The following SLC1A6 variants were observed in gnomAD, a reference collection of about 807,000 sequenced individuals.
The protein encoded by SLC1A6 is solute carrier family 1 member 6, also known as excitatory amino acid transporter 4.
Under a neutral mutation model 42.1 loss-of-function variants are expected in SLC1A6, and 15 were observed. The observed-to-expected ratio is 0.36, with a 90% CI of 0.24 to 0.55. SLC1A6 has a LOEUF of 0.55. SLC1A6 is among the 20% of genes least tolerant of loss of function. The pLI, the probability that SLC1A6 is intolerant of heterozygous loss-of-function variation, is 0.88. For synonymous variants in SLC1A6, 317 were observed against 319.7 expected (o/e 0.99, Z 0.09); for missense variants, 542 against 772.5 (o/e 0.70, Z 3.54).
intron 7 of SLC1A6, among the ~76,000 whole-genome samples, chr19:14,954,620 AT>A: frequency 6.6e-6 from 1 of 151,714 alleles, no homozygotes; most frequent in Non-Finnish European, 1.5e-5. Flanking sequence ...AGAGCAGGGC[AT>A]GGGCTGGGCG....
intron 1 of SLC1A6, among the ~76,000 whole-genome samples, chr19:14,999,772 C>T (rs1459625454): frequency 1.3e-5 from 2 of 152,144 alleles, no homozygotes; most frequent in African/African-American, 4.8e-5. Flanking sequence ...CACAATCATT[C>T]TTGTTTTCAC....
intron 6 of SLC1A6, 63 bp from the exon 7 acceptor site, chr19:14,956,772 T>C: frequency 8.6e-7 from 1 of 1,159,602 alleles, no homozygotes; most frequent in Non-Finnish European, 1.3e-6. Flanking sequence ...GGTCTGAAGG[T>C]GGCATCCCCA....
At position 14,950,062 on chromosome 19, in the gene SLC1A6, T is replaced by A; in HGVS notation, c.*133A>T. 5 of 560,964 alleles carry A rather than the reference T, an allele frequency of 8.9e-6. No homozygotes were observed. The South Asian group carries it at 1.7e-4, about 19-fold the overall frequency. The allele number at this position is 560,964 out of a possible 1,614,324, so 34.7% of individuals were successfully genotyped here. ...TTTCATTCCTGCTCCTTTATTTCACTTTTCCCTCCCCCCTAAATGAGTCAA... is the reference window on the plus strand; with the variant it reads ...TTTCATTCCTGCTCCTTTATTTCACATTTCCCTCCCCCCTAAATGAGTCAA... On this transcript the variant is annotated 3_prime_UTR_variant, in exon 10 of 10. Coordinates refer to ENST00000594383, the MANE Select transcript of SLC1A6 (RefSeq NM_005071.3).
Position 14,956,518 on chromosome 19 carries a change from C to G in SLC1A6, c.1127G>C (p.Gly376Ala), listed in dbSNP as rs778521708. The change falls in exon 7 of 10, where the codon GGC (glycine) becomes GCC (alanine). Residue 376 changes from glycine (G) to alanine (A), a missense_variant. Transcript: ENST00000594383. The part of the protein sequence containing the change: ...THRNPFPFIG[G>A]MLQALITAMG... ...AGCGGTGATGAGGGCTTGTAGCATG[C>G]CCCCAATGAAGGGGAAGGGGTTCCG... 2 of 1,606,998 alleles carry G rather than the reference C, an allele frequency of 1.2e-6. No individual in the cohort carries two copies. Among genetic ancestry groups the G allele is most frequent in the Non-Finnish European group, 1.7e-6 (2 of 1,176,250 alleles).
upstream of SLC1A6, chr19:14,979,912 C>T (rs1326732395): frequency 6.6e-6 from 1 of 152,296 alleles, no homozygotes; most frequent in Non-Finnish European, 1.5e-5. The surrounding 1 kb of genome is among the most constrained non-coding windows in gnomAD (Gnocchi z 4.2). Context: ...GCCCCCGCCC[C>T]CTGCTCGGAG....
intron 4 of SLC1A6, among the ~76,000 whole-genome samples, chr19:14,965,990 C>T (rs1387330342): frequency 1.3e-5 from 2 of 152,024 alleles, no homozygotes; most frequent in African/African-American, 2.4e-5. Context: ...TATGAGTATG[C>T]AGAAACATAC....
intron 1 of SLC1A6, chr19:14,974,631 C>G (rs2045683317): frequency 6.6e-6 from 1 of 151,818 alleles, no homozygotes; most frequent in African/African-American, 2.4e-5. Context: ...TATTTCACAA[C>G]TGCATTCATA....
chr19:14,974,526 C>T (rs937272313), intron 1 of SLC1A6: 2 of 151,664 alleles, frequency 1.3e-5, no homozygotes, highest in Non-Finnish European at 2.9e-5. Flanking sequence ...CTCACGTGTA[C>T]AGGGCGGCTC....
At chr19:14,982,271 T>A (rs911634137), upstream of SLC1A6, among the ~76,000 whole-genome samples, 7 of 152,212 alleles carry the variant, frequency 4.6e-5, no homozygotes, top group African/African-American at 1.7e-4. Flanking sequence ...GGCACACACC[T>A]GTAATCCCAG....
intron 1 of SLC1A6, chr19:14,977,549 G>C (rs2045725136): frequency 6.6e-6 from 1 of 152,242 alleles, no homozygotes; most frequent in Non-Finnish European, 1.5e-5. Context: ...GGAGGTGAAG[G>C]CTGGAGAACC....
rs150776859 is a variant in SLC1A6 at position 14,970,429 on chromosome 19, T to C, written c.343+1308A>G. On this transcript the variant is annotated intron_variant, in intron 3 of 9. Coordinates refer to ENST00000594383, the MANE Select transcript of SLC1A6 (RefSeq NM_005071.3). ...ACTGTACTTTAAGAATATAGTATAA[T>C]GGCCGGGCGGGGTGGCTCACACCTG... Among the ~76,000 whole-genome samples the C allele has an allele frequency of 8.1e-3, 1,237 of 152,192 alleles. 10 individuals are homozygous for C. Among genetic ancestry groups the C allele is most frequent in the Non-Finnish European group, 0.013 (917 of 68,000 alleles).
Position 14,950,230 on chromosome 19 carries a change from A to T in SLC1A6, c.1660T>A (p.Ser554Thr). The T allele has an allele frequency of 6.3e-7, 1 of 1,591,606 alleles. No homozygotes were observed. Among genetic ancestry groups the T allele is most frequent in the Non-Finnish European group, 8.6e-7 (1 of 1,164,452 alleles). Reference protein sequence around the residue: ...KSLMAQEKGASRGRGGNESAM With the variant: ...KSLMAQEKGATRGRGGNESAM ...CTCTCGTTGCCTCCCCGTCCCCGGG[A>T]TGCCCCCTTCTCCTGTGCCATGAGG... Residue 554 changes from serine to threonine, a missense_variant, in exon 10 of 10, where the codon TCC becomes ACC. By Grantham distance (58) the Ser-to-Thr change is moderately conservative. Coordinates refer to ENST00000594383, the MANE Select transcript of SLC1A6 (RefSeq NM_005071.3).
chr19:14,964,425 A>G lies in SLC1A6; in HGVS notation c.549-64T>C, dbSNP rs2045550902. ...ATGGAAGGGCATCTAGGGTGATAAC[A>G]GTAATACTAACACCAAGAACAACAA... On this transcript the variant is annotated intron_variant, in intron 4 of 9. Coordinates refer to ENST00000594383, the MANE Select transcript of SLC1A6 (RefSeq NM_005071.3). 7 of 1,307,308 alleles carry G rather than the reference A, an allele frequency of 5.4e-6. No individual in the cohort carries two copies. In the South Asian group the frequency reaches 8.3e-5, roughly 15 times the overall value. The allele number at this position is 1,307,308 out of a possible 1,614,324, so 81.0% of individuals were successfully genotyped here.
chr19:14,971,710 G>A (rs1452317095), intron 3 of SLC1A6, 27 bp downstream of exon 3: 1 of 1,612,404 alleles, frequency 6.2e-7, no homozygotes, highest in Admixed American at 1.7e-5. Flanking sequence ...GGGTCTTGGA[G>A]GCCAACACTG....
At position 14,950,397 on chromosome 19, in the gene SLC1A6, C is replaced by G; in HGVS notation, c.1500-7G>C. ...CATTGTGCGAAGCCGGTCACTGGTA[C>G]AGGGGAGAAAGAAGCTGCCATTAAT... On this transcript the variant is annotated splice_region_variant and splice_polypyrimidine_tract_variant and intron_variant, in intron 9 of 9. Coordinates refer to ENST00000594383, the MANE Select transcript of SLC1A6 (RefSeq NM_005071.3). 2 of 1,543,068 alleles carry G rather than the reference C, an allele frequency of 1.3e-6. No homozygotes were observed. The highest frequency in any genetic ancestry group is 1.8e-6 in the Non-Finnish European group (2 of 1,137,538).
chr19:14,996,041 C>T (rs767489602), intron 1 of SLC1A6, among the ~76,000 whole-genome samples: 8 of 152,076 alleles, frequency 5.3e-5, no homozygotes, highest in Non-Finnish European at 7.4e-5. Flanking sequence ...GAAGGAAACA[C>T]GGTAGAAAAA....
Position 14,962,277 on chromosome 19 carries a change from C to A in SLC1A6, c.660G>T (p.Pro220=). The change falls in exon 6 of 10, where the codon CCG becomes CCT. Residue 220 remains proline, a synonymous_variant. Coordinates refer to ENST00000594383, the MANE Select transcript of SLC1A6 (RefSeq NM_005071.3). ...TMVRTENGSE[P]GASMPPPFSV... ...AGAATGGAGGAGGCATGGAGGCACC[C>A]GGCTCAGACCCGTTCTCTGTCCTCA... 6.2e-7 allele frequency: 1 copy of A among 1,614,132 alleles called. No individual in the cohort carries two copies.
rs904003484 is a variant in SLC1A6 at position 14,968,428 on chromosome 19, G to A, written c.423C>T (p.Ile141=). 2.5e-5 allele frequency: 40 copies of A among 1,613,558 alleles called. No homozygotes were observed. The highest frequency in any genetic ancestry group is 3.1e-5 in the Non-Finnish European group (36 of 1,179,842). Residue 141 remains isoleucine, a synonymous_variant, in exon 4 of 10, where the codon ATC becomes ATT. Coordinates refer to ENST00000594383, the MANE Select transcript of SLC1A6 (RefSeq NM_005071.3). ...CCATGAGGATGCCGATGAAGACCGC[G>A]ATGATGGTGGTCACCATGTAGTACA... The part of the protein sequence containing the change: ...AAVYYMVTTI[I]AVFIGILMVT...
chr19:14,962,861 C>T (rs1027006573), intron 5 of SLC1A6, among the ~76,000 whole-genome samples: 7 of 152,032 alleles, frequency 4.6e-5, no homozygotes, highest in African/African-American at 1.7e-4. Flanking sequence ...TGAGATGGTG[C>T]CACTGCACTC....
Sources: gnomAD v4.1 joint callset for allele counts (sites outside exome capture counted in the v4.1 genomes callset) on GRCh38, gnomAD v4.1.1 for gene constraint, Gnocchi (gnomAD v3.1) non-coding constraint, MANE v1.5 for transcripts, NCBI Gene and HGNC (gene_info 2026-07-23, HGNC 2026-07-21) for gene names.